Variants in PRICKLE1 observed in about 807,000 individuals in gnomAD.
The protein encoded by PRICKLE1 is prickle-like protein 1.
PRICKLE1 carries 14 observed loss-of-function variants against 70.2 expected under a neutral mutation model. That is an observed-to-expected ratio of 0.20 (90% CI 0.13 to 0.31). The LOEUF (loss-of-function observed/expected upper bound fraction) is 0.31. PRICKLE1 is among the 10% of genes least tolerant of loss of function. PRICKLE1 has a pLI of 1.00. For missense variants in PRICKLE1, 821 were observed against 1,026.2 expected (o/e 0.80, Z 2.73); for synonymous variants, 357 against 379.9 (o/e 0.94, Z 0.70).
At chr12:42,573,821 C>T (rs1284573951) in intron 1 of PRICKLE1, among the ~76,000 whole-genome samples, 1 of 152,182 alleles carries the variant, frequency 6.6e-6, no homozygotes, top group Non-Finnish European at 1.5e-5. Context: ...AAGGCATGAG[C>T]CACCGCACCA....
intron 1 of PRICKLE1, among the ~76,000 whole-genome samples, chr12:42,585,844 A>G (rs7970092): frequency 0.99 from 150,944 of 152,308 alleles, 74,813 homozygotes; most frequent in Middle Eastern, 1. Flanking sequence ...GGGCAGATGA[A>G]GCGCTACATT....
intron 3 of PRICKLE1, 142 bp from the exon 4 acceptor site, chr12:42,469,729 C>T: frequency 2.0e-6 from 2 of 1,003,288 alleles, no homozygotes; most frequent in Non-Finnish European, 1.5e-6. Context: ...TAAAATGACA[C>T]CATATCTGAA....
At chr12:42,472,596 C>A (rs1260253667) in intron 1 of PRICKLE1, 32 bp from the exon 2 acceptor site, 2 of 1,572,230 alleles carry the variant, frequency 1.3e-6, no homozygotes, top group Non-Finnish European at 1.7e-6. Flanking sequence ...ACAAAGACAT[C>A]TAAAACCTGA....
Position 42,464,714 on chromosome 12 carries a change from A to G in PRICKLE1, c.1320T>C (p.Ser440=). 1 of 1,614,058 alleles carries G rather than the reference A, an allele frequency of 6.2e-7. No individual in the cohort carries two copies. The highest frequency in any genetic ancestry group is 1.6e-4 in the Middle Eastern group (1 of 6,062). Residue 440 remains serine (S), a synonymous_variant, in exon 7 of 8, where the codon AGT becomes AGC. Transcript: ENST00000345127. This position sits in a 1 kb window ranked among gnomAD's most constrained non-coding sequence, Gnocchi z 4.2. ...CCATGTTATCAGATATCCAGTGCTC[A>G]CTGGCTCGAATATCCATCTCATTGG... ...PQPNEMDIRA[S]EHWISDNMVK... is the part of the protein sequence containing the mutation.
intron 1 of PRICKLE1, among the ~76,000 whole-genome samples, chr12:42,585,638 GC>G (rs1342181326): frequency 6.6e-6 from 1 of 152,138 alleles, no homozygotes; most frequent in Non-Finnish European, 1.5e-5. Flanking sequence ...AACCTGTAAA[GC>G]CTGTCTGGTT....
rs983622276 is a variant in PRICKLE1, at chr12:42,503,689, G to A, written c.-48-31125C>T. 9.2e-5 allele frequency among the ~76,000 whole-genome samples: 14 copies of A among 152,182 alleles called. No homozygotes were observed. The East Asian group carries it at 1.5e-3, about 17-fold the overall frequency. On this transcript the variant is annotated intron_variant, in intron 1 of 7. Coordinates refer to ENST00000345127, the MANE Select transcript of PRICKLE1 (RefSeq NM_153026.3). ...TCTTCTGAGTCTTATAGTCATAGAAGGGTGAATGCACAAAAATAATTCATA... is the reference window on the plus strand; with the variant it reads ...TCTTCTGAGTCTTATAGTCATAGAAAGGTGAATGCACAAAAATAATTCATA...
At chr12:42,545,869 T>C (rs569512097) in intron 1 of PRICKLE1, among the ~76,000 whole-genome samples, 2 of 140,976 alleles carry the variant, frequency 1.4e-5, no homozygotes, top group Non-Finnish European at 3.2e-5. Context: ...AAAAAAAAAA[T>C]ATATATATGG....
At chr12:42,525,552 T>C (rs1939786323) in intron 1 of PRICKLE1, among the ~76,000 whole-genome samples, 1 of 152,124 alleles carries the variant, frequency 6.6e-6, no homozygotes, top group Non-Finnish European at 1.5e-5. Context: ...AGTGTCAGAA[T>C]TGAATTGAAT....
At chr12:42,510,864 A>C (rs191314773) in intron 1 of PRICKLE1, among the ~76,000 whole-genome samples, 27 of 152,332 alleles carry the variant, frequency 1.8e-4, no homozygotes, top group Admixed American at 1.0e-3. Flanking sequence ...TGTGTGATAA[A>C]AATGCCAAGG....
At chr12:42,491,018 G>A (rs1305475723) in intron 1 of PRICKLE1, among the ~76,000 whole-genome samples, 1 of 151,464 alleles carries the variant, frequency 6.6e-6, no homozygotes, top group Non-Finnish European at 1.5e-5. Flanking sequence ...GGGATTACAG[G>A]TATGCGCCAC....
In PRICKLE1 at chr12:42,464,473, G is replaced by A; in HGVS notation, c.1561C>T (p.Leu521=). The part of the protein sequence containing the change: ...HDETQWYEDS[L]ECLSDLKPEQ... ...GGTTTCAGGTCTGACAGACACTCCAGGGAATCTTCATACCACTGTGTTTCA... is the reference window on the plus strand; with the variant it reads ...GGTTTCAGGTCTGACAGACACTCCAAGGAATCTTCATACCACTGTGTTTCA... The change falls in exon 7 of 8, where the codon CTG becomes TTG. Residue 521 remains leucine (L), a synonymous_variant. Transcript: ENST00000345127. The surrounding 1 kb of genome is among the most constrained non-coding windows in gnomAD (Gnocchi z 4.2). The A allele has an allele frequency of 1.2e-6, 2 of 1,614,004 alleles. No individual in the cohort carries two copies. The highest frequency in any genetic ancestry group is 1.7e-6 in the Non-Finnish European group (2 of 1,180,022).
intron 1 of PRICKLE1, among the ~76,000 whole-genome samples, chr12:42,553,164 C>G (rs1940351700): frequency 6.6e-6 from 1 of 151,902 alleles, no homozygotes; most frequent in Non-Finnish European, 1.5e-5. Context: ...TTTTCTCGGC[C>G]GGGCTTGGTG....
rs190371192 is a variant in PRICKLE1, at chr12:42,586,822, C to T, written c.-49+2643G>A. Among the ~76,000 whole-genome samples the T allele has an allele frequency of 1.2e-4, 18 of 152,274 alleles. No homozygotes were observed. The East Asian group carries it at 3.3e-3, about 28-fold the overall frequency. On this transcript the variant is annotated intron_variant, in intron 1 of 7. Coordinates refer to ENST00000345127, the MANE Select transcript of PRICKLE1 (RefSeq NM_153026.3). ...AGAAATTATGATGCAACTTTTAAAACTTATAATTCAGCTTACTTTTTAAAA... is the reference window on the plus strand; with the variant it reads ...AGAAATTATGATGCAACTTTTAAAATTTATAATTCAGCTTACTTTTTAAAA...
chr12:42,471,941 A>G (rs893671348), intron 2 of PRICKLE1, among the ~76,000 whole-genome samples: 5 of 152,226 alleles, frequency 3.3e-5, no homozygotes, highest in African/African-American at 1.2e-4. Context: ...AACACTTCAG[A>G]GGGTTTCTGA....
chr12:42,564,398 C>T (rs949897024), intron 1 of PRICKLE1, among the ~76,000 whole-genome samples: 1 of 151,584 alleles, frequency 6.6e-6, no homozygotes, highest in South Asian at 2.1e-4. Flanking sequence ...CCTGAGGTCA[C>T]GAGTTCGAGA....
chr12:42,577,805 T>C (rs565566771), intron 1 of PRICKLE1, among the ~76,000 whole-genome samples: 134 of 152,356 alleles, frequency 8.8e-4, no homozygotes, highest in African/African-American at 3.1e-3. Context: ...GCAATATTTA[T>C]GAAACAATAA....
intron 1 of PRICKLE1, among the ~76,000 whole-genome samples, chr12:42,474,144 T>C (rs1158781025): frequency 6.6e-6 from 1 of 151,970 alleles, no homozygotes; most frequent in African/African-American, 2.4e-5. Context: ...TGGTGGTGGG[T>C]GCCTGTAATC....
chr12:42,519,115 A>G (rs1000051708), intron 1 of PRICKLE1, among the ~76,000 whole-genome samples: 1 of 151,552 alleles, frequency 6.6e-6, no homozygotes, highest in Non-Finnish European at 1.5e-5. Context: ...AACATGAAGA[A>G]TTCTTAGGTG....
intron 1 of PRICKLE1, among the ~76,000 whole-genome samples, chr12:42,506,083 T>C (rs1460869820): frequency 6.6e-6 from 1 of 152,034 alleles, no homozygotes; most frequent in African/African-American, 2.4e-5. Flanking sequence ...CATCGCAAAG[T>C]CTTCAAGGTT....
Sources: gnomAD v4.1 joint callset for allele counts (sites outside exome capture counted in the v4.1 genomes callset) on GRCh38, gnomAD v4.1.1 for gene constraint, Gnocchi (gnomAD v3.1) non-coding constraint, MANE v1.5 for transcripts, NCBI Gene and HGNC (gene_info 2026-07-23, HGNC 2026-07-21) for gene names.